C13orf46: variants seen among roughly 807,000 people sequenced by gnomAD.
C13orf46 encodes uncharacterized protein C13orf46.
chr13:113,933,309 A>C, the C13orf46 span, among the ~76,000 whole-genome samples: 1 of 152,230 alleles, frequency 6.6e-6, no homozygotes, highest in South Asian at 2.1e-4. Context: ...CAGCACATTT[A>C]TCAAAAGTCA....
the C13orf46 span, among the ~76,000 whole-genome samples, chr13:113,930,344 A>AGGAGCACCGAGGCGGGGGCGCG: frequency 7.0e-5 from 6 of 85,444 alleles, no homozygotes; most frequent in African/African-American, 1.7e-4. Flanking sequence ...GTGGGAGTGG[A>AGGAGCACCGAGGCGGGGGCGCG]GGAGCACCGA....
chr13:113,958,852 G>A (rs969314703), intron 6 of C13orf46, among the ~76,000 whole-genome samples: 3 of 152,202 alleles, frequency 2.0e-5, no homozygotes, highest in Non-Finnish European at 4.4e-5. Flanking sequence ...ACAGCTGCAC[G>A]TGGTGGGGTC....
At chr13:113,937,863 G>A in the C13orf46 span, among the ~76,000 whole-genome samples, 71 of 152,318 alleles carry the variant, frequency 4.7e-4, no homozygotes, top group Non-Finnish European at 7.2e-4. Context: ...GTGAAATGAG[G>A]GCAGAGGAAG....
At chr13:113,967,809 G>A (rs2052664821) in intron 4 of C13orf46, among the ~76,000 whole-genome samples, 1 of 152,152 alleles carries the variant, frequency 6.6e-6, no homozygotes, top group Non-Finnish European at 1.5e-5. Context: ...CCCACAGCCT[G>A]CCTGTGGGCC....
the C13orf46 span, among the ~76,000 whole-genome samples, chr13:113,932,627 C>CT: frequency 1.3e-5 from 2 of 152,168 alleles, no homozygotes; most frequent in Non-Finnish European, 2.9e-5. Flanking sequence ...GAAAGAAGTC[C>CT]TTTTTGAACA....
chr13:113,960,633 G>A (rs1319437573), intron 6 of C13orf46, among the ~76,000 whole-genome samples: 1 of 152,150 alleles, frequency 6.6e-6, no homozygotes, highest in Non-Finnish European at 1.5e-5. Context: ...TTATACACTT[G>A]GCTTTTCTTG....
the C13orf46 span, among the ~76,000 whole-genome samples, chr13:113,946,600 G>A: frequency 3.3e-5 from 5 of 152,354 alleles, no homozygotes; most frequent in Non-Finnish European, 5.9e-5. Flanking sequence ...CTGGTCCAGG[G>A]AGGACCCCAG....
chr13:113,948,137 G>C, the C13orf46 span, among the ~76,000 whole-genome samples: 1 of 152,134 alleles, frequency 6.6e-6, no homozygotes, highest in African/African-American at 2.4e-5. Context: ...TTTATATCTG[G>C]CAATTTTTTA....
Position 113,954,744 on chromosome 13 carries a change from C to T in C13orf46, c.*2029G>A. On this transcript the variant is annotated 3_prime_UTR_variant, in exon 7 of 7. Coordinates refer to ENST00000636427, the MANE Select transcript of C13orf46 (RefSeq NM_001365455.2). ...TGTCCCCACCCAACAAGCCACTGAG[C>T]AAGAGGCCAGGGCAGGAAGGGGCTG... 1 of 179,164 alleles carries T rather than the reference C, an allele frequency of 5.6e-6. No homozygotes were observed. The highest frequency in any genetic ancestry group is 1.1e-4 in the South Asian group (1 of 9,240). The allele number at this position is 179,164 out of a possible 1,614,324, so 11.1% of individuals were successfully genotyped here. A position where few individuals can be genotyped will look rare whatever the true frequency, so the allele number is the denominator to read the frequency against.
At chr13:113,926,976 G>A in the C13orf46 span, 2 of 152,254 alleles carry the variant, frequency 1.3e-5, no homozygotes, top group African/African-American at 4.8e-5. Flanking sequence ...TGGAGGCCAA[G>A]GGTGCTGGGA....
At chr13:113,957,522 C>T (rs2052547895) in intron 6 of C13orf46, among the ~76,000 whole-genome samples, 2 of 136,352 alleles carry the variant, frequency 1.5e-5, no homozygotes, top group African/African-American at 5.6e-5. Flanking sequence ...TCATCAAGCA[C>T]ACTGGGGGTC....
chr13:113,972,537 C>T (rs1233109262), intron 1 of C13orf46, among the ~76,000 whole-genome samples: 2 of 152,182 alleles, frequency 1.3e-5, no homozygotes, highest in African/African-American at 4.8e-5. Flanking sequence ...CGTGTCAGCC[C>T]CTCAGCCCTG....
chr13:113,946,009 G>C, the C13orf46 span, among the ~76,000 whole-genome samples: 87 of 119,390 alleles, frequency 7.3e-4, no homozygotes, highest in Middle Eastern at 9.1e-3. Context: ...CGCACTGTGG[G>C]CTGGAGTGCA....
chr13:113,965,833 G>GTGATGGTGA (rs1260247320), intron 5 of C13orf46, among the ~76,000 whole-genome samples: 1 of 72,886 alleles, frequency 1.4e-5, no homozygotes, highest in East Asian at 3.1e-4. Flanking sequence ...GGTGATAATG[G>GTGATGGTGA]TGATGGTGAT....
intron 6 of C13orf46, among the ~76,000 whole-genome samples, chr13:113,957,617 C>T (rs2052549387): frequency 7.9e-6 from 1 of 127,242 alleles, no homozygotes; most frequent in African/African-American, 3.1e-5. Flanking sequence ...TTTCATCAAG[C>T]ACACTGGGGG....
chr13:113,946,425 G>A, the C13orf46 span, among the ~76,000 whole-genome samples: 9 of 152,188 alleles, frequency 5.9e-5, no homozygotes, highest in East Asian at 1.9e-4. Context: ...GGCTCTGCAC[G>A]CGGCACACAG....
At chr13:113,969,705 C>T (rs1233422067) in intron 2 of C13orf46, among the ~76,000 whole-genome samples, 3 of 152,178 alleles carry the variant, frequency 2.0e-5, no homozygotes, top group Non-Finnish European at 4.4e-5. Context: ...TGGGTTAGAA[C>T]GGGACGCGAG....
the C13orf46 span, among the ~76,000 whole-genome samples, chr13:113,942,876 C>T: frequency 6.6e-6 from 1 of 152,196 alleles, no homozygotes; most frequent in East Asian, 1.9e-4. Context: ...AGGCACAGCG[C>T]CCCAGTGCCC....
At chr13:113,942,243 C>T in the C13orf46 span, among the ~76,000 whole-genome samples, 3 of 152,322 alleles carry the variant, frequency 2.0e-5, no homozygotes, top group South Asian at 4.1e-4. Flanking sequence ...CGGGTCAACA[C>T]GCAGCCCGGG....
Sources: allele counts gnomAD v4.1 joint callset (sites outside exome capture counted in the v4.1 genomes callset), GRCh38; gene constraint gnomAD v4.1.1; transcripts MANE v1.5; gene names NCBI Gene and HGNC (gene_info 2026-07-23, HGNC 2026-07-21).